Variants in C12orf56 observed in about 807,000 individuals in gnomAD.
C12orf56 encodes the protein chromosome 12 open reading frame 56.
C12orf56 carries 71 observed loss-of-function variants against 69.9 expected under a neutral mutation model. That is an observed-to-expected ratio of 1.02 (90% CI 0.84 to 1.24). The LOEUF is 1.24. Ranked by LOEUF, C12orf56 falls within the 50% of genes most tolerant of loss-of-function variation. C12orf56 has a pLI of 0.00. For missense variants in C12orf56, 732 were observed against 738.5 expected, an observed-to-expected ratio of 0.99 and a Z score of 0.10; for synonymous variants, 276 against 274.1, an observed-to-expected ratio of 1.01 and a Z score of -0.07.
chr12:64,312,310 A>G (rs2038628750), intron 5 of C12orf56, among the ~76,000 whole-genome samples: 2 of 152,282 alleles, frequency 1.3e-5, no homozygotes, highest in African/African-American at 4.8e-5. Flanking sequence ...ACACAGAGTT[A>G]GGGGAGGCAA....
At chr12:64,368,164 C>T (rs182347848) in intron 1 of C12orf56, among the ~76,000 whole-genome samples, 12 of 151,982 alleles carry the variant, frequency 7.9e-5, no homozygotes, top group African/African-American at 2.9e-4. Flanking sequence ...CATGCAGTAG[C>T]GCAATCATGG....
chr12:64,336,575 G>A (rs1426425483), intron 2 of C12orf56, among the ~76,000 whole-genome samples: 1 of 152,118 alleles, frequency 6.6e-6, no homozygotes, highest in Admixed American at 6.6e-5. Flanking sequence ...TGTGACAGGA[G>A]ACCTGGTGAG....
chr12:64,318,792 T>A lies in C12orf56; in HGVS notation c.677A>T (p.Glu226Val). The change falls in exon 4 of 13, where the codon GAA (glutamate) becomes GTA (valine). Residue 226 changes from glutamate to valine, a missense_variant. By Grantham distance (121) the Glu-to-Val change is moderately radical. Transcript: ENST00000543942. The stretch of plus-strand genomic sequence containing the variant: ...GTTGTGATCTGGAAGTCCCTGGGGT[T>A]CTTTTGTGTTTGTTGTGCAAGATGG... Reference protein sequence around the residue: ...SEPSCTTNTKEPQGLPDHNSI... With the variant: ...SEPSCTTNTKVPQGLPDHNSI... The A allele has an allele frequency of 1.3e-6, 2 of 1,537,154 alleles. No individual in the cohort carries two copies. Among genetic ancestry groups the A allele is most frequent in the Non-Finnish European group, 8.7e-7 (1 of 1,146,890 alleles).
chr12:64,387,466 C>T (rs951179717), intron 1 of C12orf56, among the ~76,000 whole-genome samples: 6 of 152,142 alleles, frequency 3.9e-5, no homozygotes, highest in African/African-American at 1.4e-4. Flanking sequence ...GGATTCTTGG[C>T]TCAGGGCCAA....
At chr12:64,368,301 A>G (rs1334459901) in intron 1 of C12orf56, among the ~76,000 whole-genome samples, 1 of 152,128 alleles carries the variant, frequency 6.6e-6, no homozygotes, top group Non-Finnish European at 1.5e-5. Flanking sequence ...AAACATGATT[A>G]CTGTAACAAA....
intron 11 of C12orf56, among the ~76,000 whole-genome samples, chr12:64,273,457 T>TA (rs756698689): frequency 4.7e-4 from 71 of 152,328 alleles, no homozygotes; most frequent in Non-Finnish European, 9.1e-4. Context: ...AAGCCTCTAC[T>TA]ACAATTAATT....
intron 2 of C12orf56, among the ~76,000 whole-genome samples, chr12:64,341,449 A>C (rs2039073338): frequency 6.6e-6 from 1 of 152,126 alleles, no homozygotes; most frequent in East Asian, 1.9e-4. Context: ...TGTAATTGTA[A>C]CTTCAAAAGG....
intron 3 of C12orf56, among the ~76,000 whole-genome samples, chr12:64,328,126 A>G (rs1330607974): frequency 6.6e-6 from 1 of 152,246 alleles, no homozygotes; most frequent in East Asian, 1.9e-4. Flanking sequence ...GTGCAGTGAG[A>G]AAAGGCCCCT....
intron 3 of C12orf56, among the ~76,000 whole-genome samples, chr12:64,325,635 A>G (rs2136852710): frequency 6.6e-6 from 1 of 152,248 alleles, no homozygotes; most frequent in African/African-American, 2.4e-5. Flanking sequence ...TATAGTGTGG[A>G]ACTGAAATTG....
intron 5 of C12orf56, among the ~76,000 whole-genome samples, chr12:64,312,349 G>A (rs1161790721): frequency 6.6e-6 from 1 of 152,014 alleles, no homozygotes; most frequent in Non-Finnish European, 1.5e-5. Context: ...GCTCGCACAT[G>A]CAATCCCAGC....
At chr12:64,328,612 G>A (rs7973979) in intron 3 of C12orf56, among the ~76,000 whole-genome samples, 4,460 of 143,952 alleles carry the variant, frequency 0.031, 231 homozygotes, top group African/African-American at 0.11. Flanking sequence ...CCCAGCAGGC[G>A]GAGGTTGCAG....
chr12:64,367,365 ATAGTT>A lies in C12orf56; in HGVS notation c.253-14314_253-14310del, dbSNP rs1297853671. ...TATATTATATTATATTATATTATAT[ATAGTT>A]TAGTTTATATATACAAATATAAAGA... On this transcript the variant is annotated intron_variant, in intron 1 of 12. Transcript: ENST00000543942. Among the ~76,000 whole-genome samples the A allele has an allele frequency of 5.6e-5, 8 of 142,778 alleles. No homozygotes were observed. In the South Asian group the frequency reaches 6.4e-4, roughly 11 times the overall value. The allele number at this position is 142,778 out of a possible 152,430, so 93.7% of individuals were successfully genotyped here. A position where few individuals can be genotyped will look rare whatever the true frequency, so the allele number is the denominator to read the frequency against.
At chr12:64,271,236 C>T (rs1056780029) in intron 11 of C12orf56, among the ~76,000 whole-genome samples, 1 of 151,924 alleles carries the variant, frequency 6.6e-6, no homozygotes, top group Non-Finnish European at 1.5e-5. Context: ...GAGGCTGAGG[C>T]GGGTAGATCA....
chr12:64,307,827 AC>A (rs1459751842), intron 5 of C12orf56, among the ~76,000 whole-genome samples: 2 of 151,756 alleles, frequency 1.3e-5, no homozygotes, highest in Non-Finnish European at 2.9e-5. Context: ...ATATAACCAG[AC>A]CCCATCTCAA....
Position 64,312,669 on chromosome 12 carries a change from C to T in C12orf56, c.968+10G>A, listed in dbSNP as rs997735966. 34 of 1,524,972 alleles carry T rather than the reference C, an allele frequency of 2.2e-5. No individual in the cohort carries two copies. In the African/African-American group the frequency reaches 4.4e-4, roughly 20 times the overall value. 94.5% of individuals were successfully genotyped at this position (1,524,972 alleles called of 1,614,324 possible). A position where few individuals can be genotyped will look rare whatever the true frequency, so the allele number is the denominator to read the frequency against. ...CCCATGCAACTCTATCATACATCAT[C>T]ACTTCTTACCTATATGGCTTTTGAC... On this transcript the variant is annotated intron_variant, in intron 5 of 12. Coordinates refer to ENST00000543942, the MANE Select transcript of C12orf56 (RefSeq NM_001170633.2).
intron 11 of C12orf56, among the ~76,000 whole-genome samples, chr12:64,271,987 C>T (rs1031926101): frequency 6.6e-6 from 1 of 152,244 alleles, no homozygotes; most frequent in East Asian, 1.9e-4. Context: ...TTCATCCTTA[C>T]ATGCTTCATG....
intron 11 of C12orf56, among the ~76,000 whole-genome samples, chr12:64,274,427 A>G (rs1265731369): frequency 6.6e-6 from 1 of 152,146 alleles, no homozygotes; most frequent in African/African-American, 2.4e-5. Flanking sequence ...TCAGATTTTT[A>G]TTTCAAATGG....
chr12:64,285,851 C>T (rs978942282), intron 7 of C12orf56, 103 bp downstream of exon 7: 35 of 509,154 alleles, frequency 6.9e-5, no homozygotes, highest in Non-Finnish European at 1.1e-4. Flanking sequence ...ACTTGCAGTG[C>T]CATTAATCAT....
chr12:64,343,900 G>T (rs2135941617), intron 2 of C12orf56, among the ~76,000 whole-genome samples: 1 of 152,284 alleles, frequency 6.6e-6, no homozygotes, highest in Non-Finnish European at 1.5e-5. Context: ...TGGGGGTTCT[G>T]CCAGCTGCTA....
Sources: allele counts gnomAD v4.1 joint callset (sites outside exome capture counted in the v4.1 genomes callset), GRCh38; gene constraint gnomAD v4.1.1; transcripts MANE v1.5; gene names NCBI Gene and HGNC (gene_info 2026-07-23, HGNC 2026-07-21).